RPGR: variants seen among roughly 807,000 people sequenced by gnomAD.
RPGR encodes X-linked retinitis pigmentosa GTPase regulator.
In RPGR, 10 loss-of-function variants were observed where a neutral mutation model predicts 56.3. The ratio of observed to expected loss-of-function variants is 0.18; its 90% CI spans 0.11 to 0.30. The LOEUF (loss-of-function observed/expected upper bound fraction) is 0.30. Among genes scored for constraint, RPGR ranks in the 10% least tolerant of loss-of-function variants. RPGR has a pLI of 1.00. For synonymous variants in RPGR, 197 were observed against 212.9 expected (o/e 0.93, Z 0.65); for missense variants, 538 against 590.9 (o/e 0.91, Z 0.93).
intron 7 of RPGR, among the ~76,000 whole-genome samples, chrX:38,307,392 A>C: frequency 8.9e-6 from 1 of 112,494 alleles, no homozygotes; most frequent in East Asian, 2.8e-4. Context: ...TTATGTTTTA[A>C]ATAAATTCAT....
At chrX:38,313,873 A>G (rs748620029) in intron 6 of RPGR, among the ~76,000 whole-genome samples, 7 of 112,144 alleles carry the variant, frequency 6.2e-5, no homozygotes, top group Non-Finnish European at 1.3e-4. Context: ...TATTGTAAGA[A>G]ATATCATTTA....
intron 8 of RPGR, among the ~76,000 whole-genome samples, chrX:38,301,864 T>C (rs2067507555): frequency 9.0e-6 from 1 of 110,986 alleles, no homozygotes; most frequent in Non-Finnish European, 1.9e-5. Context: ...AGCAGCATCC[T>C]TGGCCTCCAC....
rs1186896835 is a variant in RPGR, at chrX:38,287,625, C to G, written c.1753+236G>C. On this transcript the variant is annotated intron_variant, in intron 14 of 18. Coordinates refer to ENST00000642395, the MANE Select transcript of RPGR (RefSeq NM_000328.3). Reference sequence around the variant, plus strand: ...AGAAAGGACTCATCTTTTTTGTACTCTTTTCCCTTTCTCTTAAATCCTTCA... The same window carrying G: ...AGAAAGGACTCATCTTTTTTGTACTGTTTTCCCTTTCTCTTAAATCCTTCA... The G allele has an allele frequency of 9.8e-6, 5 of 511,654 alleles. No individual in the cohort carries two copies. The highest frequency in any genetic ancestry group is 1.7e-5 in the Non-Finnish European group (5 of 287,109). 42.2% of individuals were successfully genotyped at this position (511,654 alleles called of 1,213,427 possible). A position where few individuals can be genotyped will look rare whatever the true frequency, so the allele number is the denominator to read the frequency against.
chrX:38,324,382 G>A (rs1031413870), intron 1 of RPGR, among the ~76,000 whole-genome samples: 1 of 111,012 alleles, frequency 9.0e-6, no homozygotes, highest in South Asian at 3.8e-4. Flanking sequence ...TTGCAGGCGT[G>A]AACCATGACA....
At chrX:38,310,152 G>A (rs1057176753) in intron 7 of RPGR, among the ~76,000 whole-genome samples, 3 of 110,280 alleles carry the variant, frequency 2.7e-5, no homozygotes, top group African/African-American at 9.9e-5. Flanking sequence ...ATGGGGTTTC[G>A]TCATGTTGCT....
chrX:38,312,357 C>T (rs1254334629), intron 6 of RPGR, among the ~76,000 whole-genome samples: 2 of 111,356 alleles, frequency 1.8e-5, no homozygotes, highest in Non-Finnish European at 3.8e-5. Flanking sequence ...ATTCCCTTTA[C>T]ACCTTAACAT....
At chrX:38,321,382 G>A (rs1204674382) in intron 3 of RPGR, among the ~76,000 whole-genome samples, 1 of 111,569 alleles carries the variant, frequency 9.0e-6, no homozygotes, top group Non-Finnish European at 1.9e-5. Context: ...TCCACAGGTA[G>A]GCCGGGTGTG....
In RPGR at chrX:38,324,613, C is replaced by T. The variant is rs189988875; in HGVS notation, c.29-1089G>A. On this transcript the variant is annotated intron_variant, in intron 1 of 18. Transcript: ENST00000642395. ...AGATGACATGTATAAAGAACTTAGC[C>T]CAGAGCCTAGCATCCTCAAAGTGTT... is the stretch of plus-strand genomic sequence containing the variant. 2.8e-5 allele frequency among the ~76,000 whole-genome samples: 3 copies of T among 108,451 alleles called. No individual in the cohort carries two copies. The East Asian group carries it at 9.0e-4, about 32-fold the overall frequency. The allele number at this position is 108,451 out of a possible 115,157, so 94.2% of individuals were successfully genotyped here.
At position 38,321,036 on chromosome X, in the gene RPGR, C is replaced by G; in HGVS notation, c.301G>C (p.Val101Leu). The change falls in exon 4 of 19, where the codon GTG (valine) becomes CTG (leucine). Residue 101 changes from valine to leucine, a missense_variant. Physicochemically the swap from Val to Leu is conservative, Grantham distance 32. Around this residue, in one of 2 missense-constraint regions of RPGR, gnomAD observed 181 missense variants for 265.1 expected, o/e 0.68. Transcript: ENST00000642395. ...AGGTTGAGCACTATACCTGTTGACA[C>G]CAGGGTGTGGTTCCTTCCACAGGCA... 1 of 1,204,735 alleles carries G rather than the reference C, an allele frequency of 8.3e-7. No individual in the cohort carries two copies. Among genetic ancestry groups the G allele is most frequent in the Middle Eastern group, 2.3e-4 (1 of 4,334 alleles).
At chrX:38,283,190 G>A (rs1601913503) in intron 15 of RPGR, among the ~76,000 whole-genome samples, 1 of 111,155 alleles carries the variant, frequency 9.0e-6, no homozygotes, top group East Asian at 2.8e-4. Context: ...TAAACTTTTT[G>A]AGGGTACTAG....
At chrX:38,270,367 C>A (rs774758170) in intron 18 of RPGR, among the ~76,000 whole-genome samples, 20 of 106,108 alleles carry the variant, frequency 1.9e-4, no homozygotes, top group Admixed American at 1.1e-3. Flanking sequence ...GTAATCCCAG[C>A]ACTTTGGGAG....
chrX:38,306,466 A>C (rs2067602174), intron 7 of RPGR, among the ~76,000 whole-genome samples: 1 of 112,499 alleles, frequency 8.9e-6, no homozygotes. Flanking sequence ...GTGGTTTTAC[A>C]ATTTTTTCTA....
rs1360745560 is a variant in RPGR, at chrX:38,297,305, G to A, written c.1393C>T (p.Leu465Phe). Reference sequence around the variant, plus strand: ...TTACCTGGTTCCTCTGGCTGCATGAGGTCCTGTTCAGATAAGACACTCTCT... The same window carrying A: ...TTACCTGGTTCCTCTGGCTGCATGAAGTCCTGTTCAGATAAGACACTCTCT... The change falls in exon 11 of 19, where the codon CTC (leucine) becomes TTC (phenylalanine). Residue 465 changes from leucine (L) to phenylalanine (F), a missense_variant. Transcript: ENST00000642395. 4.1e-6 allele frequency: 5 copies of A among 1,210,586 alleles called. No homozygotes were observed. In the South Asian group the frequency reaches 7.0e-5, roughly 17 times the overall value.
intron 7 of RPGR, among the ~76,000 whole-genome samples, chrX:38,309,350 G>C (rs1393210634): frequency 9.0e-6 from 1 of 111,544 alleles, no homozygotes; most frequent in Non-Finnish European, 1.9e-5. Flanking sequence ...GCTACACATT[G>C]TAAATGTCAC....
rs761365864 is a variant in RPGR at position 38,286,008 on chromosome X, TTCTTCCCCTTCCTCC to T, written c.1905+1071_1905+1085del. The T allele has an allele frequency of 6.4e-4, 451 of 702,355 alleles. 1 individual carries two copies. In the Middle Eastern group the frequency reaches 0.013, roughly 20 times the overall value. 57.9% of individuals were successfully genotyped at this position (702,355 alleles called of 1,213,427 possible). ...CTCCCTCTCCTTCTTCCTCCCCTTC[TTCTTCCCCTTCCTCC>T]TCTTCCCCCTCCCCTTCTCCTTCCT... On this transcript the variant is annotated intron_variant, in intron 15 of 18. Coordinates refer to ENST00000642395, the MANE Select transcript of RPGR (RefSeq NM_000328.3).
chrX:38,319,105 C>T, intron 4 of RPGR, 118 bp from the exon 5 acceptor site: 1 of 741,975 alleles, frequency 1.3e-6, no homozygotes, highest in Non-Finnish European at 2.0e-6. Context: ...CTATCACTAT[C>T]CTATTATTTG....
intron 3 of RPGR, among the ~76,000 whole-genome samples, chrX:38,321,769 C>T (rs2067945472): frequency 9.0e-6 from 1 of 111,660 alleles, no homozygotes; most frequent in Non-Finnish European, 1.9e-5. Context: ...CTGCCATCAC[C>T]ATTATCAAGC....
At chrX:38,284,875 A>T (rs905194422) in intron 15 of RPGR, 1 of 749,227 alleles carries the variant, frequency 1.3e-6, no homozygotes, top group Non-Finnish European at 1.6e-6. Flanking sequence ...TATACATTTA[A>T]ATTAATCACC....
chrX:38,310,490 TA>T, intron 7 of RPGR, 124 bp downstream of exon 7: 1 of 649,289 alleles, frequency 1.5e-6, no homozygotes, highest in Non-Finnish European at 2.4e-6. Flanking sequence ...AAAAATCTAT[TA>T]AGAAGGTAGT....
Sources: gnomAD v4.1 joint callset for allele counts (sites outside exome capture counted in the v4.1 genomes callset) on GRCh38, gnomAD v4.1.1 for gene constraint, gnomAD v4.1.1 regional missense constraint, MANE v1.5 for transcripts, NCBI Gene and HGNC (gene_info 2026-07-23, HGNC 2026-07-21) for gene names.